GALNT18: variants seen among roughly 807,000 people sequenced by gnomAD.
The protein encoded by GALNT18 is polypeptide N-acetylgalactosaminyltransferase 18, also known as GalNAc-transferase 18.
GALNT18 carries 44 observed loss-of-function variants against 69.5 expected under a neutral mutation model. That is an observed-to-expected ratio of 0.63 (90% confidence interval 0.50 to 0.81). GALNT18 has a LOEUF of 0.81. Among genes scored for constraint, GALNT18 ranks in the 40% least tolerant of loss-of-function variants. GALNT18 has a pLI of 0.00. For synonymous variants in GALNT18, 364 were observed against 318.2 expected, an observed-to-expected ratio of 1.14 and a Z score of -1.53; for missense variants, 715 against 810.0, an observed-to-expected ratio of 0.88 and a Z score of 1.42.
chr11:11,405,947 C>G (rs991218936), intron 3 of GALNT18, among the ~76,000 whole-genome samples: 6 of 152,186 alleles, frequency 3.9e-5, no homozygotes, highest in Admixed American at 6.5e-5. Context: ...TCAACATGGT[C>G]CTCTACAACA....
chr11:11,534,470 G>A (rs1212421535), intron 1 of GALNT18, among the ~76,000 whole-genome samples: 1 of 152,224 alleles, frequency 6.6e-6, no homozygotes, highest in Non-Finnish European at 1.5e-5. Context: ...CAGACCCTGT[G>A]CTGGATGCTG....
chr11:11,462,516 C>T (rs1856068890), intron 1 of GALNT18, among the ~76,000 whole-genome samples: 1 of 151,846 alleles, frequency 6.6e-6, no homozygotes, highest in African/African-American at 2.4e-5. Context: ...TGGTCTCGAA[C>T]TCTTAACCTC....
chr11:11,283,278 C>T (rs1849121977), intron 10 of GALNT18, among the ~76,000 whole-genome samples: 1 of 152,164 alleles, frequency 6.6e-6, no homozygotes, highest in Non-Finnish European at 1.5e-5. Context: ...GCCCAAGTAG[C>T]TGGGATTACA....
chr11:11,456,226 A>G (rs1855921521), intron 1 of GALNT18, among the ~76,000 whole-genome samples: 1 of 152,190 alleles, frequency 6.6e-6, no homozygotes. Flanking sequence ...TACCTCTCCT[A>G]GAATGTAGGT....
At chr11:11,286,594 A>G (rs1032460851) in intron 10 of GALNT18, among the ~76,000 whole-genome samples, 6 of 152,052 alleles carry the variant, frequency 3.9e-5, no homozygotes, top group African/African-American at 1.4e-4. Flanking sequence ...AAGACCTTGC[A>G]CACAGGGGGG....
chr11:11,434,758 C>G (rs551089850), intron 2 of GALNT18, among the ~76,000 whole-genome samples: 159 of 152,226 alleles, frequency 1.0e-3, no homozygotes, highest in Non-Finnish European at 1.4e-3. Flanking sequence ...AGGGGAGGAA[C>G]TTGAATGAAG....
At chr11:11,537,947 C>T (rs1195913289) in intron 1 of GALNT18, among the ~76,000 whole-genome samples, 1 of 152,126 alleles carries the variant, frequency 6.6e-6, no homozygotes, top group Non-Finnish European at 1.5e-5. Flanking sequence ...ACAGCCCAGC[C>T]CAGTTCCATG....
At chr11:11,578,698 G>C (rs919518812) in intron 1 of GALNT18, among the ~76,000 whole-genome samples, 21 of 152,346 alleles carry the variant, frequency 1.4e-4, no homozygotes, top group Non-Finnish European at 2.6e-4. Context: ...CGCAGCAGCC[G>C]GGCCTCCTGT....
At chr11:11,574,208 AC>A (rs1473935583) in intron 1 of GALNT18, among the ~76,000 whole-genome samples, 1 of 152,166 alleles carries the variant, frequency 6.6e-6, no homozygotes, top group Non-Finnish European at 1.5e-5. Flanking sequence ...TGCCTATAGG[AC>A]AACTGCACAC....
rs534961342 is a variant in GALNT18, at chr11:11,343,909, C to T, written c.1093-2905G>A. Among the ~76,000 whole-genome samples, 18 of 152,238 alleles carry T rather than the reference C, an allele frequency of 1.2e-4. No individual in the cohort carries two copies. The East Asian group carries it at 1.5e-3, about 13-fold the overall frequency. On this transcript the variant is annotated intron_variant, in intron 6 of 10. Coordinates refer to ENST00000227756, the MANE Select transcript of GALNT18 (RefSeq NM_198516.3). ...GTGCCTTTAGACACGGTACAAGGAG[C>T]GGCATGACTGTCCAGCACCTGAATT...
rs956297721 is a variant in GALNT18, at chr11:11,616,818, T to C, written c.235+4541A>G. ...ACTGTAACGGCATAACCTAATCACG[T>C]ATTATATAAACCAATGAAATATGAC... is the stretch of plus-strand genomic sequence containing the variant. On this transcript the variant is annotated intron_variant, in intron 1 of 10. Transcript: ENST00000227756. This position sits in a 1 kb window ranked among gnomAD's most constrained non-coding sequence, Gnocchi z 4.4. Among the ~76,000 whole-genome samples the C allele has an allele frequency of 1.3e-5, 2 of 152,206 alleles. No homozygotes were observed. Among genetic ancestry groups the C allele is most frequent in the Non-Finnish European group, 2.9e-5 (2 of 68,044 alleles).
Position 11,270,978 on chromosome 11 carries a change from C to A in GALNT18, c.*166G>T. The stretch of plus-strand genomic sequence containing the variant: ...TATCATACCATCACCTACCAATCAG[C>A]ATCTTTCTATAAACTCCATGAAAAT... On this transcript the variant is annotated 3_prime_UTR_variant, in exon 11 of 11. Coordinates refer to ENST00000227756, the MANE Select transcript of GALNT18 (RefSeq NM_198516.3). The A allele has an allele frequency of 5.4e-6, 3 of 560,356 alleles. No homozygotes were observed. The highest frequency in any genetic ancestry group is 4.8e-4 in the Middle Eastern group (1 of 2,068). 34.7% of individuals were successfully genotyped at this position (560,356 alleles called of 1,614,324 possible).
chr11:11,589,789 C>T (rs1478937567), intron 1 of GALNT18, among the ~76,000 whole-genome samples: 1 of 152,158 alleles, frequency 6.6e-6, no homozygotes, highest in Non-Finnish European at 1.5e-5. Flanking sequence ...AAATTCCCAA[C>T]AACCTACTCT....
chr11:11,473,816 G>A (rs1452198494), intron 1 of GALNT18, among the ~76,000 whole-genome samples: 6 of 152,210 alleles, frequency 3.9e-5, no homozygotes, highest in Admixed American at 1.3e-4. Context: ...TGTAATCCCA[G>A]CACTTTGTGA....
intron 10 of GALNT18, among the ~76,000 whole-genome samples, chr11:11,272,999 T>G (rs1589994003): frequency 6.8e-6 from 1 of 148,054 alleles, no homozygotes; most frequent in South Asian, 2.1e-4. Context: ...AGAATGAAAC[T>G]AGAGCCCTAT....
At chr11:11,498,985 T>G (rs1265694787) in intron 1 of GALNT18, among the ~76,000 whole-genome samples, 1 of 152,214 alleles carries the variant, frequency 6.6e-6, no homozygotes, top group Non-Finnish European at 1.5e-5. Flanking sequence ...AAATAATATT[T>G]CACAAAAACA....
intron 10 of GALNT18, among the ~76,000 whole-genome samples, chr11:11,279,886 C>G (rs1849032459): frequency 6.6e-6 from 1 of 151,708 alleles, no homozygotes; most frequent in Non-Finnish European, 1.5e-5. Flanking sequence ...CTGTATGTAT[C>G]CATGTTCTTC....
rs946058481 is a variant in GALNT18 at position 11,459,984 on chromosome 11, C to A, written c.236-11048G>T. 6.6e-6 allele frequency among the ~76,000 whole-genome samples: 1 copy of A among 152,102 alleles called. No individual in the cohort carries two copies. The highest frequency in any genetic ancestry group is 1.5e-5 in the Non-Finnish European group (1 of 68,014). ...GCTGCCTGCATTCCTTGGCTTATGG[C>A]CTCTTCCTCCGTCTTCAAAGCCCAC... On this transcript the variant is annotated intron_variant, in intron 1 of 10. Coordinates refer to ENST00000227756, the MANE Select transcript of GALNT18 (RefSeq NM_198516.3). This position sits in a 1 kb window ranked among gnomAD's most constrained non-coding sequence, Gnocchi z 5.0.
At position 11,377,503 on chromosome 11, in the gene GALNT18, G is replaced by A; in HGVS notation, c.780-124C>T. On this transcript the variant is annotated intron_variant, in intron 4 of 10. Coordinates refer to ENST00000227756, the MANE Select transcript of GALNT18 (RefSeq NM_198516.3). The surrounding 1 kb of genome is among the most constrained non-coding windows in gnomAD (Gnocchi z 4.6). ...GGAAGGCCTGCCCATCTCCTCTGAT[G>A]GAGAGGTGCACTGCCTTCTGGGAAG... The A allele has an allele frequency of 1.3e-6, 1 of 794,012 alleles. No individual in the cohort carries two copies. Among genetic ancestry groups the A allele is most frequent in the Non-Finnish European group, 2.1e-6 (1 of 484,232 alleles). 49.2% of individuals were successfully genotyped at this position (794,012 alleles called of 1,614,324 possible).
Sources: gnomAD v4.1 joint callset for allele counts (sites outside exome capture counted in the v4.1 genomes callset) on GRCh38, gnomAD v4.1.1 for gene constraint, Gnocchi (gnomAD v3.1) non-coding constraint, MANE v1.5 for transcripts, NCBI Gene and HGNC (gene_info 2026-07-23, HGNC 2026-07-21) for gene names.